The following ZAN variants were observed in gnomAD, a reference collection of about 807,000 sequenced individuals.
ZAN encodes the protein zonadhesin (gene/pseudogene).
In ZAN, 260 loss-of-function variants were observed where a neutral mutation model predicts 286.2. That is an observed-to-expected ratio of 0.91 (90% CI 0.82 to 1.01). ZAN has a LOEUF of 1.01. ZAN is among the 50% of genes least tolerant of loss of function. The probability of loss-of-function intolerance (pLI) is 0.00; values close to 1 mark genes in which losing one functional copy is unlikely to be tolerated. For missense variants in ZAN, 3,410 were observed against 3,639.2 expected (o/e 0.94, Z 1.62); for synonymous variants, 1,368 against 1,417.5 (o/e 0.97, Z 0.79).
intron 28 of ZAN, among the ~76,000 whole-genome samples, chr7:100,770,662 C>A (rs1810312839): frequency 6.8e-6 from 1 of 147,922 alleles, no homozygotes; most frequent in African/African-American, 2.5e-5. Flanking sequence ...TTTCTTTTTT[C>A]TTGTTTTTTA....
At chr7:100,740,289 A>AT (rs569136745) in intron 7 of ZAN, among the ~76,000 whole-genome samples, 3,636 of 129,168 alleles carry the variant, frequency 0.028, 504 homozygotes, top group South Asian at 0.14. Flanking sequence ...GATCTGACTT[A>AT]TTTATTTTTT....
In ZAN at chr7:100,763,083, C is replaced by G. The variant is rs1243511331; in HGVS notation, c.3987-723C>G. ...GCCTCCTGGGCTCAAGTGATTCTCA[C>G]GCCTCAATCCCAATGAGATTATAGG... is the stretch of plus-strand genomic sequence containing the variant. On this transcript the variant is annotated intron_variant, in intron 20 of 47. Coordinates refer to ENST00000613979, the MANE Select transcript of ZAN (RefSeq NM_003386.3). The surrounding 1 kb of genome is among the most constrained non-coding windows in gnomAD (Gnocchi z 4.6). 6.6e-6 allele frequency among the ~76,000 whole-genome samples: 1 copy of G among 151,510 alleles called. No homozygotes were observed. Among genetic ancestry groups the G allele is most frequent in the Non-Finnish European group, 1.5e-5 (1 of 67,936 alleles).
chr7:100,765,300 C>A, intron 22 of ZAN, 52 bp from the exon 23 acceptor site: 1 of 1,591,004 alleles, frequency 6.3e-7, no homozygotes, highest in East Asian at 2.3e-5. Context: ...GTTTCCCACC[C>A]AGCCCCGTGG....
chr7:100,773,991 A>C (rs1810584525), intron 31 of ZAN, 126 bp downstream of exon 31: 1 of 1,365,802 alleles, frequency 7.3e-7, no homozygotes, highest in Non-Finnish European at 9.9e-7. Flanking sequence ...GCTGCAACCA[A>C]GAGCTTCTGG....
chr7:100,766,330 A>G (rs948938202), intron 23 of ZAN, among the ~76,000 whole-genome samples, 195 bp from the exon 24 acceptor site: 3 of 152,150 alleles, frequency 2.0e-5, no homozygotes, highest in South Asian at 4.1e-4. Flanking sequence ...AGACCCAGAA[A>G]TGATGTAGTG....
At chr7:100,734,618 CAA>C (rs773063072) in intron 2 of ZAN, among the ~76,000 whole-genome samples, 1 of 72,064 alleles carries the variant, frequency 1.4e-5, no homozygotes, top group Non-Finnish European at 2.9e-5. Flanking sequence ...GACTCCGTCT[CAA>C]AAAAAAAAAA....
chr7:100,794,050 C>A, intron 43 of ZAN, 32 bp downstream of exon 43: 2 of 1,612,452 alleles, frequency 1.2e-6, no homozygotes, highest in Admixed American at 3.4e-5. Context: ...CCCTGGGGAG[C>A]AGAGGCGCCA....
chr7:100,792,112 C>A lies in ZAN; in HGVS notation c.7676C>A (p.Ala2559Asp), dbSNP rs1431430401. ...VLADPQGPFA[A>D]CHQTVAPEPF... ...GCAGACCCCCAGGGCCCCTTTGCTG[C>A]CTGTCACCAGACGGTGGCCCCAGAG... The change falls in exon 41 of 48, where the codon GCC becomes GAC. Residue 2559 changes from alanine (A) to aspartate (D), a missense_variant. By Grantham distance (126) the Ala-to-Asp change is moderately radical (BLOSUM62 -2). Transcript: ENST00000613979. 1 of 1,612,122 alleles carries A rather than the reference C, an allele frequency of 6.2e-7. No homozygotes were observed. Among genetic ancestry groups the A allele is most frequent in the Admixed American group, 1.7e-5 (1 of 59,830 alleles).
At chr7:100,753,274 A>G in intron 14 of ZAN, 45 bp downstream of exon 14, 1 of 1,520,994 alleles carries the variant, frequency 6.6e-7, no homozygotes, top group Non-Finnish European at 8.8e-7. Context: ...AGTCAGAGAC[A>G]ATGACTAGGA....
chr7:100,785,733 A>G (rs1811520025), intron 36 of ZAN, among the ~76,000 whole-genome samples: 1 of 149,634 alleles, frequency 6.7e-6, no homozygotes, highest in Non-Finnish European at 1.5e-5. Flanking sequence ...ATCTTGGCTC[A>G]CTGCAACCTC....
At chr7:100,786,521 A>G (rs1021787686) in intron 37 of ZAN, among the ~76,000 whole-genome samples, 1 of 152,200 alleles carries the variant, frequency 6.6e-6, no homozygotes, top group Non-Finnish European at 1.5e-5. Context: ...TGATCCTCAC[A>G]TCTCAGCCTC....
chr7:100,784,859 T>G, intron 36 of ZAN, 25 bp downstream of exon 36: 1 of 1,559,128 alleles, frequency 6.4e-7, no homozygotes, highest in South Asian at 1.2e-5. Context: ...GAAATGGGAC[T>G]GGAGGCAACA....
rs1292386363 is a variant in ZAN at position 100,767,839 on chromosome 7, C to G, written c.4869C>G (p.Gly1623=). 6.2e-7 allele frequency: 1 copy of G among 1,612,582 alleles called. No homozygotes were observed. The highest frequency in any genetic ancestry group is 1.3e-5 in the African/African-American group (1 of 74,880). Residue 1623 remains glycine (G), a synonymous_variant, in exon 26 of 48, where the codon GGC becomes GGG. Transcript: ENST00000613979. The part of the protein sequence containing the change: ...LLRGCKVMLN[G]HRVALPVWLA... ...CCTCCCTGCCTCTGCAGCTGAATGG[C>G]CATCGGGTGGCCCTACCTGTGTGGC... is the stretch of plus-strand genomic sequence containing the variant.
rs1233210918 is a variant in ZAN, at chr7:100,748,358, C to T, written c.1137C>T (p.Ala379=). 4 of 1,613,968 alleles carry T rather than the reference C, an allele frequency of 2.5e-6. No homozygotes were observed. Among genetic ancestry groups the T allele is most frequent in the Non-Finnish European group, 3.4e-6 (4 of 1,179,916 alleles). The part of the protein sequence containing the change: ...GFPQCDFEDN[A]HPFCDWVQTS... ...CTCAGTGTGACTTTGAAGACAACGC[C>T]CATCCCTTCTGTGACTGGGTCCAGA... Residue 379 remains alanine, a synonymous_variant, in exon 11 of 48, where the codon GCC becomes GCT. Transcript: ENST00000613979.
In ZAN at chr7:100,766,623, G is replaced by A; in HGVS notation, c.4569G>A (p.Glu1523=). 2 of 1,562,042 alleles carry A rather than the reference G, an allele frequency of 1.3e-6. No homozygotes were observed. Among genetic ancestry groups the A allele is most frequent in the South Asian group, 2.4e-5 (2 of 84,554 alleles). Residue 1523 remains glutamate, a synonymous_variant, in exon 24 of 48, where the codon GAG becomes GAA. Coordinates refer to ENST00000613979, the MANE Select transcript of ZAN (RefSeq NM_003386.3). The stretch of plus-strand genomic sequence containing the variant: ...AGCCCTGGAGGTGTAGGGCCCAGGA[G>A]TTCTGTGGCCAACAGGATGGTATCT... ...RCQPWRCRAQ[E]FCGQQDGIYG...
At chr7:100,760,273 T>C (rs1809463469) in intron 18 of ZAN, 118 bp from the exon 19 acceptor site, 1 of 1,251,128 alleles carries the variant, frequency 8.0e-7, no homozygotes. Context: ...TCCTGGTGGA[T>C]GAGATTGTTA....
chr7:100,768,711 T>C lies in ZAN; in HGVS notation c.5143T>C (p.Ser1715Pro). 6.3e-7 allele frequency: 1 copy of C among 1,599,554 alleles called. No individual in the cohort carries two copies. The change falls in exon 27 of 48, where the codon TCT (serine) becomes CCT (proline). Residue 1715 changes from serine to proline, a missense_variant. Around this residue, in one of 7 missense-constraint regions of ZAN, gnomAD observed 1,042 missense variants for 1,058.0 expected, o/e 0.98. Transcript: ENST00000613979. ...GGCCGCCTGGAAGTTACCTGAATCC[T>C]CTGAACCTGGGTGAGCTGGGGGTCA... is the stretch of plus-strand genomic sequence containing the variant. ...LGAAWKLPES[S>P]EPGCFLVGGK... is the part of the protein sequence containing the mutation.
In ZAN at chr7:100,750,637, T is replaced by C; in HGVS notation, c.1262T>C (p.Ile421Thr). 6.2e-7 allele frequency: 1 copy of C among 1,613,342 alleles called. No homozygotes were observed. Among genetic ancestry groups the C allele is most frequent in the East Asian group, 2.2e-5 (1 of 44,882 alleles). Residue 421 changes from isoleucine (I) to threonine (T), a missense_variant, in exon 12 of 48, where the codon ATC becomes ACC. Around this residue, in one of 7 missense-constraint regions of ZAN, gnomAD observed 872 missense variants for 938.9 expected, o/e 0.93. Transcript: ENST00000613979. Reference protein sequence around the residue: ...GGFPNAGGHYIYLEADEFSQA... With the variant: ...GGFPNAGGHYTYLEADEFSQA... ...TTCCTTTGCCTAGGGGGTCACTATATCTACCTTGAGGCTGACGAGTTCTCC... is the reference window on the plus strand; with the variant it reads ...TTCCTTTGCCTAGGGGGTCACTATACCTACCTTGAGGCTGACGAGTTCTCC...
chr7:100,783,432 A>C (rs1316207640), intron 35 of ZAN, among the ~76,000 whole-genome samples: 1 of 151,206 alleles, frequency 6.6e-6, no homozygotes, highest in African/African-American at 2.4e-5. Flanking sequence ...AAGCACACAC[A>C]TATATAAAAT....
Sources: gnomAD v4.1 joint callset for allele counts (sites outside exome capture counted in the v4.1 genomes callset) on GRCh38, gnomAD v4.1.1 for gene constraint, gnomAD v4.1.1 regional missense constraint, Gnocchi (gnomAD v3.1) non-coding constraint, MANE v1.5 for transcripts, NCBI Gene and HGNC (gene_info 2026-07-23, HGNC 2026-07-21) for gene names.